The following CNTNAP2 variants were observed in gnomAD, a reference collection of about 807,000 sequenced individuals.
CNTNAP2 encodes contactin associated protein 2.
CNTNAP2 carries 98 observed loss-of-function variants against 155.2 expected under a neutral mutation model. The ratio of observed to expected loss-of-function variants is 0.63; its 90% confidence interval spans 0.54 to 0.75. The LOEUF is 0.75. Ranked by LOEUF, CNTNAP2 falls within the 30% of genes least tolerant of loss-of-function variation. The pLI, the probability that CNTNAP2 is intolerant of heterozygous loss-of-function variation, is 0.00. For synonymous variants in CNTNAP2, 651 were observed against 631.2 expected, an observed-to-expected ratio of 1.03 and a Z score of -0.47; for missense variants, 1,727 against 1,688.1, an observed-to-expected ratio of 1.02 and a Z score of -0.40.
chr7:147,809,121 G>A (rs977203461), intron 13 of CNTNAP2, among the ~76,000 whole-genome samples: 1 of 152,206 alleles, frequency 6.6e-6, no homozygotes, highest in African/African-American at 2.4e-5. Flanking sequence ...GGCAGCACGA[G>A]CAGGCAGCTT....
intron 9 of CNTNAP2, among the ~76,000 whole-genome samples, chr7:147,328,045 T>C (rs1200411984): frequency 6.6e-6 from 1 of 151,980 alleles, no homozygotes; most frequent in Non-Finnish European, 1.5e-5. Context: ...AGACAAATTT[T>C]TGGAAAAAAA....
chr7:148,249,710 T>G (rs908544802), intron 20 of CNTNAP2, among the ~76,000 whole-genome samples: 2 of 152,226 alleles, frequency 1.3e-5, no homozygotes, highest in African/African-American at 4.8e-5. Context: ...TCCTTCCAGC[T>G]GGTCAGGATT....
intron 22 of CNTNAP2, among the ~76,000 whole-genome samples, chr7:148,392,564 A>C (rs142999024): frequency 6.6e-6 from 1 of 152,332 alleles, no homozygotes; most frequent in Non-Finnish European, 1.5e-5. Context: ...GCTAACCTGC[A>C]TCTGACACTG....
At chr7:147,563,820 G>A (rs1044107538) in intron 12 of CNTNAP2, among the ~76,000 whole-genome samples, 1 of 152,002 alleles carries the variant, frequency 6.6e-6, no homozygotes. Context: ...CATTATGTGT[G>A]AAGTGGAAAT....
At chr7:146,801,410 A>G (rs956020133) in intron 2 of CNTNAP2, among the ~76,000 whole-genome samples, 1 of 152,116 alleles carries the variant, frequency 6.6e-6, no homozygotes, top group South Asian at 2.1e-4. Context: ...TTGACCAAAC[A>G]TTTATTGAAT....
chr7:147,727,469 A>G (rs1312555217), intron 13 of CNTNAP2, among the ~76,000 whole-genome samples: 2 of 152,006 alleles, frequency 1.3e-5, no homozygotes, highest in African/African-American at 2.4e-5. Flanking sequence ...GATTATTCCA[A>G]TTCATCACAT....
At chr7:148,295,499 T>C (rs1473991013) in intron 21 of CNTNAP2, among the ~76,000 whole-genome samples, 1 of 151,916 alleles carries the variant, frequency 6.6e-6, no homozygotes. Flanking sequence ...TAATCAATTT[T>C]TTTTTTTTTT....
intron 13 of CNTNAP2, among the ~76,000 whole-genome samples, chr7:147,759,032 G>A (rs1797259587): frequency 6.6e-6 from 1 of 151,816 alleles, no homozygotes; most frequent in African/African-American, 2.4e-5. Context: ...CTTATTTATT[G>A]TTTTCTATAT....
At chr7:146,301,278 C>G (rs1800605067) in intron 1 of CNTNAP2, among the ~76,000 whole-genome samples, 1 of 152,090 alleles carries the variant, frequency 6.6e-6, no homozygotes, top group African/African-American at 2.4e-5. Context: ...GAAAAGAAGA[C>G]TATTCCATAA....
chr7:147,695,337 G>T (rs565035297), intron 13 of CNTNAP2, among the ~76,000 whole-genome samples: 58 of 152,218 alleles, frequency 3.8e-4, no homozygotes, highest in African/African-American at 1.4e-3. Flanking sequence ...TAGTTTATAG[G>T]TGTCGACTGT....
chr7:148,311,817 G>T (rs1235025079), intron 21 of CNTNAP2, among the ~76,000 whole-genome samples: 1 of 152,146 alleles, frequency 6.6e-6, no homozygotes, highest in African/African-American at 2.4e-5. Flanking sequence ...GTGTGTTCAG[G>T]GTGAGGAACA....
At chr7:146,662,304 GT>G (rs1466049585) in intron 1 of CNTNAP2, among the ~76,000 whole-genome samples, 1 of 151,852 alleles carries the variant, frequency 6.6e-6, no homozygotes, top group African/African-American at 2.4e-5. Context: ...CGCCTGGCTA[GT>G]TTTTCTATTT....
At position 146,631,665 on chromosome 7, in the gene CNTNAP2, C is replaced by A. The variant is rs993228677; in HGVS notation, c.98-142606C>A. On this transcript the variant is annotated intron_variant, in intron 1 of 23. Coordinates refer to ENST00000361727, the MANE Select transcript of CNTNAP2 (RefSeq NM_014141.6). Reference sequence around the variant, plus strand: ...CGTAAAGCAAGAGTTCTGAAAAGATCAAATTTTATGTGTGATAAAATGGCA... The same window carrying A: ...CGTAAAGCAAGAGTTCTGAAAAGATAAAATTTTATGTGTGATAAAATGGCA... Among the ~76,000 whole-genome samples, 6 of 152,130 alleles carry A rather than the reference C, an allele frequency of 3.9e-5. 1 individual carries two copies. Among genetic ancestry groups the A allele is most frequent in the Admixed American group, 3.9e-4 (6 of 15,270 alleles).
intron 15 of CNTNAP2, among the ~76,000 whole-genome samples, chr7:148,004,911 C>T (rs1056775331): frequency 6.6e-6 from 1 of 152,154 alleles, no homozygotes; most frequent in Non-Finnish European, 1.5e-5. Flanking sequence ...ATCCAGTTAG[C>T]TTATGAGGCA....
intron 21 of CNTNAP2, among the ~76,000 whole-genome samples, chr7:148,287,251 T>C (rs951759676): frequency 6.6e-6 from 1 of 152,254 alleles, no homozygotes; most frequent in East Asian, 1.9e-4. Context: ...CATGGCTTGA[T>C]AGATCATTTC....
At chr7:146,437,803 T>C (rs1796264133) in intron 1 of CNTNAP2, among the ~76,000 whole-genome samples, 1 of 151,514 alleles carries the variant, frequency 6.6e-6, no homozygotes, top group South Asian at 2.1e-4. Context: ...TGAGGAGTTA[T>C]GGCCAAAAAA....
At chr7:148,137,669 AAAGGAAGGAAGGAAGGAAGG>A (rs35867113) in intron 16 of CNTNAP2, among the ~76,000 whole-genome samples, 3,898 of 107,730 alleles carry the variant, frequency 0.036, 112 homozygotes, top group East Asian at 0.16. Context: ...CTCAGAAAAA[AAAGGAAGGAAGGAAGGAAGG>A]AAGGAAGGAA....
intron 13 of CNTNAP2, chr7:147,831,980 A>C (rs1046536960): frequency 1.3e-5 from 2 of 152,056 alleles, no homozygotes; most frequent in African/African-American, 4.8e-5. Flanking sequence ...GTACCCCATG[A>C]ATATATACAC....
At chr7:147,224,765 T>C (rs1563123238) in intron 8 of CNTNAP2, among the ~76,000 whole-genome samples, 1 of 152,156 alleles carries the variant, frequency 6.6e-6, no homozygotes, top group Non-Finnish European at 1.5e-5. Flanking sequence ...TTATCCATGT[T>C]TCCCCCCTCT....
Sources: gnomAD v4.1 joint callset for allele counts (sites outside exome capture counted in the v4.1 genomes callset) on GRCh38, gnomAD v4.1.1 for gene constraint, MANE v1.5 for transcripts, NCBI Gene and HGNC (gene_info 2026-07-23, HGNC 2026-07-21) for gene names.